Variants in SLC9C1 observed in about 807,000 individuals in gnomAD.
SLC9C1 encodes solute carrier family 9 member C1.
Under a neutral mutation model 140.9 loss-of-function variants are expected in SLC9C1, and 97 were observed. The observed-to-expected ratio is 0.69, with a 90% CI of 0.58 to 0.82. The LOEUF is 0.82. SLC9C1 is among the 40% of genes least tolerant of loss of function. The pLI is 0.00. For missense variants in SLC9C1, 1,340 were observed against 1,389.3 expected (o/e 0.96, Z 0.56); for synonymous variants, 440 against 442.6 (o/e 0.99, Z 0.07).
At chr3:112,277,638 C>A in intron 5 of SLC9C1, 57 bp downstream of exon 5, 1 of 1,354,374 alleles carries the variant, frequency 7.4e-7, no homozygotes, top group Non-Finnish European at 9.7e-7. Context: ...TCTTAAAATA[C>A]AAGTTCATTA....
intron 16 of SLC9C1, among the ~76,000 whole-genome samples, chr3:112,207,295 A>C (rs2078081031): frequency 6.6e-6 from 1 of 152,168 alleles, no homozygotes; most frequent in South Asian, 2.1e-4. Flanking sequence ...AGAGAAGACA[A>C]ATTTCTTTTC....
intron 13 of SLC9C1, among the ~76,000 whole-genome samples, chr3:112,225,424 A>G (rs2078656286): frequency 6.6e-6 from 1 of 152,198 alleles, no homozygotes; most frequent in Non-Finnish European, 1.5e-5. Flanking sequence ...GTAAAAACAT[A>G]TAAAACCCAA....
At chr3:112,186,734 G>A (rs916884702) in intron 20 of SLC9C1, among the ~76,000 whole-genome samples, 2 of 152,192 alleles carry the variant, frequency 1.3e-5, no homozygotes, top group African/African-American at 4.8e-5. Flanking sequence ...AAGACAATAT[G>A]ATTTGGTTTA....
rs1041787789 is a variant in SLC9C1 at position 112,168,862 on chromosome 3, T to A, written c.3237+15A>T. ...TGGCATATTGATCTGAAGACAGGAA[T>A]CAATATTTCTTTACCTGATGGCATG... On this transcript the variant is annotated intron_variant, in intron 25 of 28. Transcript: ENST00000305815. The A allele has an allele frequency of 1.3e-6, 2 of 1,559,200 alleles. No homozygotes were observed. Among genetic ancestry groups the A allele is most frequent in the African/African-American group, 2.7e-5 (2 of 72,786 alleles).
At chr3:112,261,118 G>A (rs1372700722) in intron 10 of SLC9C1, among the ~76,000 whole-genome samples, 1 of 152,054 alleles carries the variant, frequency 6.6e-6, no homozygotes, top group African/African-American at 2.4e-5. Context: ...CCATTTCTCT[G>A]AAGGATCTAA....
intron 20 of SLC9C1, among the ~76,000 whole-genome samples, chr3:112,197,095 G>A (rs2077786847): frequency 6.6e-6 from 1 of 151,954 alleles, no homozygotes; most frequent in Admixed American, 6.6e-5. Context: ...TTAGTCTTAG[G>A]TCTAAGCTTA....
Position 112,293,294 on chromosome 3 carries a change from A to C in SLC9C1, c.-88+799T>G, listed in dbSNP as rs201286475. On this transcript the variant is annotated intron_variant, in intron 1 of 28. Transcript: ENST00000305815. Reference sequence around the variant, plus strand: ...CTATTTCAAATATATATATATATATATATCTCTCATGTTAGCTAATATCTC... The same window carrying C: ...CTATTTCAAATATATATATATATATCTATCTCTCATGTTAGCTAATATCTC... Among the ~76,000 whole-genome samples, 135 of 110,004 alleles carry C rather than the reference A, an allele frequency of 1.2e-3. 1 individual carries two copies. Among genetic ancestry groups the C allele is most frequent in the East Asian group, 6.5e-3 (19 of 2,934 alleles). The allele number at this position is 110,004 out of a possible 152,430, so 72.2% of individuals were successfully genotyped here.
chr3:112,235,953 G>C (rs1045531293), intron 12 of SLC9C1, among the ~76,000 whole-genome samples: 5 of 152,126 alleles, frequency 3.3e-5, no homozygotes, highest in African/African-American at 1.2e-4. Flanking sequence ...GTCTCTGCCA[G>C]GCTTTGGTAT....
chr3:112,228,797 G>C (rs1044516655), intron 13 of SLC9C1, among the ~76,000 whole-genome samples: 13 of 152,050 alleles, frequency 8.5e-5, no homozygotes, highest in African/African-American at 3.1e-4. Flanking sequence ...AACATCACTA[G>C]TGAATAGGGA....
At chr3:112,204,197 C>T (rs778495644) in intron 17 of SLC9C1, 21 bp downstream of exon 17, 2 of 1,446,226 alleles carry the variant, frequency 1.4e-6, no homozygotes, top group South Asian at 3.2e-5. Context: ...TTAGAAATTG[C>T]ACGATTTACT....
intron 27 of SLC9C1, among the ~76,000 whole-genome samples, chr3:112,153,933 CCTT>C (rs2075057013): frequency 2.0e-5 from 3 of 152,154 alleles, no homozygotes; most frequent in Non-Finnish European, 1.5e-5. Context: ...CAGTGAACAT[CCTT>C]CTTTCATGAG....
chr3:112,264,406 G>A, intron 8 of SLC9C1, 63 bp from the exon 9 acceptor site: 1 of 1,010,340 alleles, frequency 9.9e-7, no homozygotes, highest in Non-Finnish European at 1.3e-6. Flanking sequence ...TTTATTACAA[G>A]GTTTATCTAT....
chr3:112,142,838 A>G (rs1363972339), intron 28 of SLC9C1, among the ~76,000 whole-genome samples: 2 of 152,114 alleles, frequency 1.3e-5, no homozygotes, highest in South Asian at 2.1e-4. Flanking sequence ...TCACCCAGGT[A>G]CTGAGCATAG....
intron 28 of SLC9C1, among the ~76,000 whole-genome samples, chr3:112,150,840 ATTTTT>A (rs1180027200): frequency 1.0e-4 from 6 of 57,324 alleles, no homozygotes; most frequent in Non-Finnish European, 1.9e-4. Context: ...ATATATATAT[ATTTTT>A]TTTTTTTTTT....
At chr3:112,204,518 GA>G in intron 16 of SLC9C1, 115 bp from the exon 17 acceptor site, 3 of 1,147,634 alleles carry the variant, frequency 2.6e-6, no homozygotes, top group Non-Finnish European at 3.6e-6. Flanking sequence ...CCACATGTAT[GA>G]AATATCCTCA....
Position 112,286,834 on chromosome 3 carries a change from TC to T in SLC9C1, c.-44del. ...ATGCAGATTTATGTTAGAAGCAATC[TC>T]CATATGATCATCCATCTTGTTGTTT... On this transcript the variant is annotated 5_prime_UTR_variant, in exon 2 of 29. It introduces an in-frame stop codon into an upstream open reading frame of the 5' UTR. Coordinates refer to ENST00000305815, the MANE Select transcript of SLC9C1 (RefSeq NM_183061.3). 1 of 1,354,838 alleles carries T rather than the reference TC, an allele frequency of 7.4e-7. No individual in the cohort carries two copies. Among genetic ancestry groups the T allele is most frequent in the Non-Finnish European group, 1.0e-6 (1 of 959,838 alleles). 83.9% of individuals were successfully genotyped at this position (1,354,838 alleles called of 1,614,324 possible).
At chr3:112,189,072 G>GGT (rs1399173430) in intron 20 of SLC9C1, among the ~76,000 whole-genome samples, 1 of 143,490 alleles carries the variant, frequency 7.0e-6, no homozygotes, top group African/African-American at 2.5e-5. Context: ...TTTTTGATGG[G>GGT]GTTGTTTGTT....
intron 23 of SLC9C1, among the ~76,000 whole-genome samples, chr3:112,170,014 C>T (rs950019656): frequency 7.2e-5 from 11 of 151,986 alleles, no homozygotes; most frequent in African/African-American, 2.4e-4. Flanking sequence ...AAGAGTTAAA[C>T]GTTAGATCCT....
At chr3:112,288,246 C>T (rs2080577106) in intron 1 of SLC9C1, among the ~76,000 whole-genome samples, 1 of 151,866 alleles carries the variant, frequency 6.6e-6, no homozygotes, top group African/African-American at 2.4e-5. Context: ...ATTGTGAACA[C>T]TTCTTGAAAT....
Sources: allele counts gnomAD v4.1 joint callset (sites outside exome capture counted in the v4.1 genomes callset), GRCh38; gene constraint gnomAD v4.1.1; transcripts MANE v1.5; gene names NCBI Gene and HGNC (gene_info 2026-07-23, HGNC 2026-07-21).